Variants in TNIP3 observed in about 807,000 individuals in gnomAD.
TNIP3 encodes TNFAIP3 interacting protein 3, also known as TNFAIP3-interacting protein 3.
In TNIP3, 34 loss-of-function variants were observed where a neutral mutation model predicts 54.1. That is an observed-to-expected ratio of 0.63 (90% CI 0.48 to 0.84). TNIP3 has a LOEUF of 0.84. Ranked by LOEUF, TNIP3 falls within the 40% of genes least tolerant of loss-of-function variation. The pLI, the probability that TNIP3 is intolerant of heterozygous loss-of-function variation, is 0.00. For missense variants in TNIP3, 366 were observed against 387.6 expected, an observed-to-expected ratio of 0.94 and a Z score of 0.47; for synonymous variants, 134 against 136.8, an observed-to-expected ratio of 0.98 and a Z score of 0.14.
At chr4:121,184,630 TA>T (rs1724906963) in intron 2 of TNIP3, among the ~76,000 whole-genome samples, 1 of 152,230 alleles carries the variant, frequency 6.6e-6, no homozygotes, top group African/African-American at 2.4e-5. Flanking sequence ...CATGTCATTA[TA>T]ATGAATTCTC....
At chr4:121,171,785 C>T (rs186305039) in intron 3 of TNIP3, among the ~76,000 whole-genome samples, 3 of 152,298 alleles carry the variant, frequency 2.0e-5, no homozygotes, top group Non-Finnish European at 4.4e-5. Context: ...GGCTGGAGTG[C>T]AGTGATGCGA....
rs546732338 is a variant in TNIP3, at chr4:121,131,695, C to T, written c.*936G>A. The T allele has an allele frequency of 2.9e-3, 415 of 144,706 alleles. 2 individuals carry two copies. Among genetic ancestry groups the T allele is most frequent in the Non-Finnish European group, 3.5e-3 (236 of 67,252 alleles). 9.0% of individuals were successfully genotyped at this position (144,706 alleles called of 1,614,324 possible). A position where few individuals can be genotyped will look rare whatever the true frequency, so the allele number is the denominator to read the frequency against. On this transcript the variant is annotated 3_prime_UTR_variant, in exon 11 of 11. Coordinates refer to ENST00000057513, the MANE Select transcript of TNIP3 (RefSeq NM_024873.6). ...TATTTCCCAGGCTGGAGTGCAGTGG[C>T]GATCTCAACTTACAGCAACCTCTGC...
chr4:121,184,195 A>C (rs1368855052), intron 2 of TNIP3, among the ~76,000 whole-genome samples: 1 of 152,102 alleles, frequency 6.6e-6, no homozygotes, highest in Non-Finnish European at 1.5e-5. Flanking sequence ...CACCCCCTGA[A>C]AATAACCTCT....
chr4:121,143,083 G>C (rs1314859717), intron 7 of TNIP3, among the ~76,000 whole-genome samples: 1 of 152,204 alleles, frequency 6.6e-6, no homozygotes, highest in Admixed American at 6.5e-5. Flanking sequence ...TTGTCAACCT[G>C]ACATTCAAAG....
intron 2 of TNIP3, among the ~76,000 whole-genome samples, chr4:121,209,152 CT>C (rs1726342348): frequency 6.6e-6 from 1 of 152,244 alleles, no homozygotes. Context: ...GGCGAGGACG[CT>C]GTGTGACAGC....
At chr4:121,188,964 C>G (rs1725162938) in intron 2 of TNIP3, among the ~76,000 whole-genome samples, 1 of 152,150 alleles carries the variant, frequency 6.6e-6, no homozygotes, top group African/African-American at 2.4e-5. Flanking sequence ...CCCCAAACCA[C>G]CAGACTTGGT....
Position 121,164,103 on chromosome 4 carries a change from G to A in TNIP3, c.23C>T (p.Thr8Ile), listed in dbSNP as rs762906082. 7.4e-6 allele frequency: 12 copies of A among 1,613,796 alleles called. No individual in the cohort carries two copies. The highest frequency in any genetic ancestry group is 1.0e-5 in the Non-Finnish European group (12 of 1,179,782). Residue 8 changes from threonine to isoleucine, a missense_variant, in exon 1 of 11, where the codon ACA (threonine) becomes ATA (isoleucine). Physicochemically the swap from Thr to Ile is moderately conservative, Grantham distance 89. Transcript: ENST00000057513. Reference sequence around the variant, plus strand: ...ACTTTCTGCGGCAATCATTCTAGATGTGCCCTGTACAAAATGTGCCATGGA... The same window carrying A: ...ACTTTCTGCGGCAATCATTCTAGATATGCCCTGTACAAAATGTGCCATGGA... MAHFVQG[T>I]SRMIAAESST...
chr4:121,192,562 A>T (rs1042792421), intron 2 of TNIP3, among the ~76,000 whole-genome samples: 1 of 152,172 alleles, frequency 6.6e-6, no homozygotes, highest in African/African-American at 2.4e-5. Flanking sequence ...TCGAGCTTTA[A>T]AACAGTTCAT....
chr4:121,182,946 T>A, intron 2 of TNIP3: 1 of 761,698 alleles, frequency 1.3e-6, no homozygotes, highest in Non-Finnish European at 2.0e-6. Flanking sequence ...ATGTTTTCAT[T>A]AGTCCATGCC....
At chr4:121,199,302 C>G (rs1413271920) in intron 2 of TNIP3, among the ~76,000 whole-genome samples, 3 of 152,198 alleles carry the variant, frequency 2.0e-5, no homozygotes, top group Non-Finnish European at 4.4e-5. Flanking sequence ...CTGATAATAT[C>G]TACAGCACAC....
rs574889443 is a variant in TNIP3, at chr4:121,174,185, A to G, written c.189+8491T>C. Among the ~76,000 whole-genome samples the G allele has an allele frequency of 5.9e-5, 9 of 152,316 alleles. No homozygotes were observed. The East Asian group carries it at 1.2e-3, about 20-fold the overall frequency. ...AGAACTACCTTCTTCCTGAGGCAAT[A>G]TATTTCAACACCGTATCTATAGATT... On this transcript the variant is annotated intron_variant, in intron 3 of 12. Coordinates refer to the TNIP3 transcript ENST00000507879.
intron 7 of TNIP3, among the ~76,000 whole-genome samples, chr4:121,146,342 A>C (rs1729428706): frequency 6.6e-6 from 1 of 152,180 alleles, no homozygotes; most frequent in African/African-American, 2.4e-5. Flanking sequence ...TTCTCATAAC[A>C]ATGTTCTATT....
At chr4:121,224,647 A>G (rs1475250524) in intron 1 of TNIP3, among the ~76,000 whole-genome samples, 2 of 152,194 alleles carry the variant, frequency 1.3e-5, no homozygotes, top group Non-Finnish European at 2.9e-5. Context: ...AACTCTTTAA[A>G]GTTGATAATC....
chr4:121,157,072 C>G (rs1730146997), intron 4 of TNIP3, 22 bp downstream of exon 4: 10 of 1,613,060 alleles, frequency 6.2e-6, no homozygotes, highest in South Asian at 1.1e-5. Flanking sequence ...CCTCCGGGCT[C>G]GAGGACCCGG....
chr4:121,157,019 T>A, intron 4 of TNIP3, 75 bp downstream of exon 4: 1 of 1,589,580 alleles, frequency 6.3e-7, no homozygotes, highest in African/African-American at 1.3e-5. Flanking sequence ...AAACGGTAGG[T>A]TTTCTACAGG....
intron 2 of TNIP3, among the ~76,000 whole-genome samples, chr4:121,202,908 C>CA (rs1397966397): frequency 6.6e-6 from 1 of 151,712 alleles, no homozygotes; most frequent in Admixed American, 6.6e-5. Context: ...TGGCCATAAT[C>CA]AAAAAAATCA....
At chr4:121,215,554 G>A (rs1351201858) in intron 2 of TNIP3, among the ~76,000 whole-genome samples, 6 of 152,036 alleles carry the variant, frequency 3.9e-5, no homozygotes, top group South Asian at 4.1e-4. Context: ...CTACCACCAC[G>A]TCTTTGTACA....
At chr4:121,202,396 C>T (rs924063859) in intron 2 of TNIP3, among the ~76,000 whole-genome samples, 4 of 152,136 alleles carry the variant, frequency 2.6e-5, no homozygotes, top group African/African-American at 9.7e-5. Context: ...CATCTCTCAC[C>T]TTATACAAAA....
intron 10 of TNIP3, among the ~76,000 whole-genome samples, chr4:121,135,347 T>C (rs969601720): frequency 6.6e-6 from 1 of 152,184 alleles, no homozygotes; most frequent in Non-Finnish European, 1.5e-5. Context: ...TAATCACTCA[T>C]TATCTGCCAT....
Sources: allele counts gnomAD v4.1 joint callset (sites outside exome capture counted in the v4.1 genomes callset), GRCh38; gene constraint gnomAD v4.1.1; transcripts MANE v1.5; gene names NCBI Gene and HGNC (gene_info 2026-07-23, HGNC 2026-07-21).